The following CDH18 variants were observed in gnomAD, a reference collection of about 807,000 sequenced individuals.
CDH18 encodes the protein cadherin-18.
CDH18 carries 31 observed loss-of-function variants against 67.9 expected under a neutral mutation model. That is an observed-to-expected ratio of 0.46 (90% CI 0.34 to 0.62). The LOEUF is 0.62. CDH18 is among the 20% of genes least tolerant of loss of function. CDH18 has a pLI of 0.01. For missense variants in CDH18, 890 were observed against 975.5 expected (o/e 0.91, Z 1.17); for synonymous variants, 362 against 347.2 (o/e 1.04, Z -0.48).
chr5:19,833,901 T>C (rs1222206436), intron 3 of CDH18, among the ~76,000 whole-genome samples: 1 of 108,414 alleles, frequency 9.2e-6, no homozygotes, highest in African/African-American at 4.0e-5. Context: ...AGTTTTTTGA[T>C]GTGCTGCTGG....
chr5:19,485,877 G>C (rs1740317848), intron 11 of CDH18, among the ~76,000 whole-genome samples: 1 of 152,162 alleles, frequency 6.6e-6, no homozygotes, highest in African/African-American at 2.4e-5. Flanking sequence ...ATGCAGTGTA[G>C]ATGGCGGCTC....
intron 2 of CDH18, among the ~76,000 whole-genome samples, chr5:20,252,045 T>C (rs996697926): frequency 6.6e-6 from 1 of 152,172 alleles, no homozygotes; most frequent in Non-Finnish European, 1.5e-5. Context: ...TGGATAAAAA[T>C]TCAAATACTT....
intron 1 of CDH18, among the ~76,000 whole-genome samples, chr5:20,544,994 T>C (rs1351720260): frequency 1.3e-5 from 2 of 152,216 alleles, no homozygotes; most frequent in Non-Finnish European, 2.9e-5. Flanking sequence ...ATTGGATAAA[T>C]GCTCCTGTTC....
intron 6 of CDH18, among the ~76,000 whole-genome samples, chr5:19,596,200 T>C (rs2150047462): frequency 6.6e-6 from 1 of 152,316 alleles, no homozygotes; most frequent in East Asian, 1.9e-4. Context: ...TTGTCAATGG[T>C]CGTGTTTCCA....
intron 9 of CDH18, among the ~76,000 whole-genome samples, chr5:19,542,705 C>G (rs1408064324): frequency 6.6e-6 from 1 of 152,032 alleles, no homozygotes; most frequent in African/African-American, 2.4e-5. Flanking sequence ...AAAGCAATAG[C>G]AGGCAAATTT....
intron 1 of CDH18, among the ~76,000 whole-genome samples, chr5:20,347,129 A>T (rs1385292863): frequency 1.3e-5 from 2 of 152,162 alleles, no homozygotes; most frequent in Non-Finnish European, 2.9e-5. Flanking sequence ...CCCTTCAATG[A>T]CATGGTTCCC....
At chr5:20,124,292 A>T (rs1469394347) in intron 2 of CDH18, among the ~76,000 whole-genome samples, 2 of 152,210 alleles carry the variant, frequency 1.3e-5, no homozygotes. Context: ...ACATAAAAGT[A>T]GATCAATATC....
At chr5:20,333,187 GCA>G (rs199499728) in intron 1 of CDH18, among the ~76,000 whole-genome samples, 2,053 of 152,060 alleles carry the variant, frequency 0.014, 44 homozygotes, top group African/African-American at 0.046. Context: ...TGGTGTGTGG[GCA>G]CACACACAGG....
intron 3 of CDH18, among the ~76,000 whole-genome samples, chr5:19,833,587 T>C (rs1781297176): frequency 1.3e-5 from 2 of 152,124 alleles, no homozygotes; most frequent in Non-Finnish European, 1.5e-5. Context: ...GAGGGCATCG[T>C]TGTCTTGTAT....
At chr5:20,307,554 G>A (rs535114992) in intron 1 of CDH18, among the ~76,000 whole-genome samples, 37 of 152,306 alleles carry the variant, frequency 2.4e-4, no homozygotes, top group African/African-American at 8.9e-4. Context: ...AAAAGAAGAA[G>A]CAGTGCCTTA....
At chr5:20,036,967 G>A (rs1292498781) in intron 2 of CDH18, among the ~76,000 whole-genome samples, 1 of 151,798 alleles carries the variant, frequency 6.6e-6, no homozygotes, top group Non-Finnish European at 1.5e-5. Flanking sequence ...CATTTGCTTG[G>A]TAAATATTCC....
chr5:19,574,202 A>G (rs1346442925), intron 7 of CDH18, among the ~76,000 whole-genome samples: 1 of 152,192 alleles, frequency 6.6e-6, no homozygotes, highest in Non-Finnish European at 1.5e-5. Flanking sequence ...CTGGCAAGTT[A>G]GATGCCATTT....
At chr5:19,910,278 C>G (rs1561543502) in intron 2 of CDH18, among the ~76,000 whole-genome samples, 2 of 152,016 alleles carry the variant, frequency 1.3e-5, no homozygotes, top group Non-Finnish European at 2.9e-5. Flanking sequence ...ACACCACAAT[C>G]ATTCTTCTAA....
In CDH18 at chr5:19,767,225, C is replaced by G. The variant is rs991842986; in HGVS notation, c.229-19989G>C. On this transcript the variant is annotated intron_variant, in intron 3 of 12. Transcript: ENST00000382275. ...TGTAAATCTCAATTTAAACAGACAA[C>G]CTACTATTAAAAGCAAAAATAATAA... Among the ~76,000 whole-genome samples the G allele has an allele frequency of 7.9e-5, 12 of 151,806 alleles. No individual in the cohort carries two copies. In the South Asian group the frequency reaches 2.3e-3, roughly 29 times the overall value.
intron 2 of CDH18, among the ~76,000 whole-genome samples, chr5:19,846,513 T>C (rs1030867163): frequency 2.6e-5 from 4 of 152,114 alleles, no homozygotes; most frequent in Non-Finnish European, 4.4e-5. Context: ...TTGAACAGCA[T>C]AGATTTTTAA....
chr5:19,791,569 T>G (rs1581371522), intron 3 of CDH18, among the ~76,000 whole-genome samples: 2 of 152,272 alleles, frequency 1.3e-5, no homozygotes, highest in East Asian at 3.9e-4. Context: ...CTGGATGAAC[T>G]AGTCACTCAT....
At chr5:20,572,105 T>C (rs1448206518) in intron 1 of CDH18, among the ~76,000 whole-genome samples, 4 of 152,272 alleles carry the variant, frequency 2.6e-5, no homozygotes, top group East Asian at 1.9e-4. Flanking sequence ...TATGTAATGA[T>C]AACTTTATAT....
intron 5 of CDH18, among the ~76,000 whole-genome samples, chr5:19,626,513 T>C (rs916446020): frequency 2.0e-5 from 3 of 152,064 alleles, no homozygotes; most frequent in African/African-American, 7.2e-5. Flanking sequence ...TCAATTGGGA[T>C]AGAGGTTAAG....
intron 1 of CDH18, among the ~76,000 whole-genome samples, chr5:20,447,284 T>G (rs1263873093): frequency 6.6e-6 from 1 of 152,138 alleles, no homozygotes; most frequent in Admixed American, 6.6e-5. Flanking sequence ...ATGTTGAAAC[T>G]TAATGGCCAA....
Sources: allele counts gnomAD v4.1 joint callset (sites outside exome capture counted in the v4.1 genomes callset), GRCh38; gene constraint gnomAD v4.1.1; transcripts MANE v1.5; gene names NCBI Gene and HGNC (gene_info 2026-07-23, HGNC 2026-07-21).